Variants in ATOH1 observed in about 807,000 individuals in gnomAD.
ATOH1 encodes the protein transcription factor ATOH1.
ATOH1 carries 9 observed loss-of-function variants against 20.7 expected under a neutral mutation model. The observed-to-expected ratio is 0.44, with a 90% CI of 0.26 to 0.76. The LOEUF is 0.76. ATOH1 is among the 30% of genes least tolerant of loss of function. The pLI is 0.20. For missense variants in ATOH1, 516 were observed against 479.3 expected (o/e 1.08, Z -0.71); for synonymous variants, 247 against 214.3 (o/e 1.15, Z -1.33).
In ATOH1 at chr4:93,830,816, CTTA is replaced by C. The variant is rs1735430411; in HGVS notation, c.*828_*830del. 1 of 166,848 alleles carries C rather than the reference CTTA, an allele frequency of 6.0e-6. No homozygotes were observed. The highest frequency in any genetic ancestry group is 2.1e-4 in the South Asian group (1 of 4,830). 10.3% of individuals were successfully genotyped at this position (166,848 alleles called of 1,614,324 possible). On this transcript the variant is annotated 3_prime_UTR_variant, in exon 1 of 1. Transcript: ENST00000306011. ...ATTTTGCTTTGTTAATATTAGAAAA[CTTA>C]TTTATTATTGTTTGCTACCATTTCT...
chr4:93,829,232 G>T lies in ATOH1; in HGVS notation c.306G>T (p.Arg102=), dbSNP rs780142317. The T allele has an allele frequency of 2.5e-6, 4 of 1,589,700 alleles. No homozygotes were observed. The highest frequency in any genetic ancestry group is 1.2e-5 in the South Asian group (1 of 86,412). Residue 102 remains arginine, a synonymous_variant, in exon 1 of 1, where the codon CGG becomes CGT. Transcript: ENST00000306011. The surrounding 1 kb of genome is among the most constrained non-coding windows in gnomAD (Gnocchi z 4.5). ...CGCCCCGGGACGAGGTGGACGGCCG[G>T]GGGGAGCTGGTAAGGAGGAGCAGCG... ...AAAPRDEVDG[R]GELVRRSSGG... is the part of the protein sequence containing the mutation.
chr4:93,829,007 T>C lies in ATOH1; in HGVS notation c.81T>C (p.His27=). 1 of 1,613,494 alleles carries C rather than the reference T, an allele frequency of 6.2e-7. No homozygotes were observed. The highest frequency in any genetic ancestry group is 8.5e-7 in the Non-Finnish European group (1 of 1,179,872). ...ACCATCGCCAGCCCCAGCCGCATCATCTCCCGCAACCGCCGCCGCCGCCGC... is the reference window on the plus strand; with the variant it reads ...ACCATCGCCAGCCCCAGCCGCATCACCTCCCGCAACCGCCGCCGCCGCCGC... ...GDHHRQPQPH[H]LPQPPPPPQP... The change falls in exon 1 of 1, where the codon CAT becomes CAC. Residue 27 remains histidine, a synonymous_variant. Coordinates refer to ENST00000306011, the MANE Select transcript of ATOH1 (RefSeq NM_005172.2). This position sits in a 1 kb window ranked among gnomAD's most constrained non-coding sequence, Gnocchi z 4.5.
chr4:93,829,188 G>C lies in ATOH1; in HGVS notation c.262G>C (p.Gly88Arg), dbSNP rs762870776. 2 of 1,586,898 alleles carry C rather than the reference G, an allele frequency of 1.3e-6. No homozygotes were observed. The highest frequency in any genetic ancestry group is 1.7e-6 in the Non-Finnish European group (2 of 1,165,384). ...AQYLLHSPEL[G>R]ASEAAAPRDE... ...GTATTTGCTACATTCCCCGGAGCTG[G>C]GTGCCTCAGAGGCCGCTGCGCCCCG... The change falls in exon 1 of 1, where the codon GGT becomes CGT. Residue 88 changes from glycine (G) to arginine (R), a missense_variant. By Grantham distance (125) the Gly-to-Arg change is moderately radical. Transcript: ENST00000306011. The surrounding 1 kb of genome is among the most constrained non-coding windows in gnomAD (Gnocchi z 4.5).
In ATOH1 at chr4:93,830,112, T is replaced by C. The variant is rs1007926998; in HGVS notation, c.*121T>C. The C allele has an allele frequency of 1.9e-5, 27 of 1,434,994 alleles. No homozygotes were observed. Among genetic ancestry groups the C allele is most frequent in the Non-Finnish European group, 2.3e-5 (25 of 1,095,866 alleles). The allele number at this position is 1,434,994 out of a possible 1,614,324, so 88.9% of individuals were successfully genotyped here. A position where few individuals can be genotyped will look rare whatever the true frequency, so the allele number is the denominator to read the frequency against. On this transcript the variant is annotated 3_prime_UTR_variant, in exon 1 of 1. Coordinates refer to ENST00000306011, the MANE Select transcript of ATOH1 (RefSeq NM_005172.2). ...TTTTTGCTCTGCGATGGTCGTTGTT[T>C]AGCAACGACTTGGCTTCAGATGGCA...
rs1373906470 is a variant in ATOH1, at chr4:93,829,314, A to C, written c.388A>C (p.Lys130Gln). 4 of 1,613,658 alleles carry C rather than the reference A, an allele frequency of 2.5e-6. No individual in the cohort carries two copies. The African/African-American group carries it at 5.3e-5, about 22-fold the overall frequency. The change falls in exon 1 of 1, where the codon AAG (lysine) becomes CAG (glutamine). Residue 130 changes from lysine to glutamine, a missense_variant. By Grantham distance (53) the Lys-to-Gln change is moderately conservative. Transcript: ENST00000306011. The surrounding 1 kb of genome is among the most constrained non-coding windows in gnomAD (Gnocchi z 4.5). ...GGTGAAAGTGCGGGAACAGCTGTGCAAGCTGAAAGGCGGGGTGGTGGTAGA... is the reference window on the plus strand; with the variant it reads ...GGTGAAAGTGCGGGAACAGCTGTGCCAGCTGAAAGGCGGGGTGGTGGTAGA... ...GPVKVREQLCKLKGGVVVDEL... is the reference protein window; with the variant it reads ...GPVKVREQLCQLKGGVVVDEL...
Position 93,829,387 on chromosome 4 carries a change from A to G in ATOH1, c.461A>G (p.Asn154Ser). Residue 154 changes from asparagine to serine, a missense_variant, in exon 1 of 1, where the codon AAT becomes AGT. Physicochemically the swap from Asn to Ser is conservative, Grantham distance 46 (BLOSUM62 1). Transcript: ENST00000306011. The surrounding 1 kb of genome is among the most constrained non-coding windows in gnomAD (Gnocchi z 4.5). ...RQRAPSSKQV[N>S]GVQKQRRLAA... is the part of the protein sequence containing the mutation. ...CGGGCCCCTTCCAGCAAACAGGTGAATGGGGTGCAGAAGCAGAGACGGCTA... is the reference window on the plus strand; with the variant it reads ...CGGGCCCCTTCCAGCAAACAGGTGAGTGGGGTGCAGAAGCAGAGACGGCTA... The G allele has an allele frequency of 6.2e-7, 1 of 1,614,202 alleles. No homozygotes were observed.
chr4:93,829,899 G>A lies in ATOH1; in HGVS notation c.973G>A (p.Glu325Lys). 1 of 1,614,168 alleles carries A rather than the reference G, an allele frequency of 6.2e-7. No homozygotes were observed. Among genetic ancestry groups the A allele is most frequent in the Non-Finnish European group, 8.5e-7 (1 of 1,180,036 alleles). Residue 325 changes from glutamate to lysine, a missense_variant, in exon 1 of 1, where the codon GAG becomes AAG. Transcript: ENST00000306011. This position sits in a 1 kb window ranked among gnomAD's most constrained non-coding sequence, Gnocchi z 4.5. ...CGGGAGCATCTTGCAGCCAGTGCAG[G>A]AGGAAAACAGCAAAACTTCGCCTCG... ...LPGSILQPVQEENSKTSPRSH... is the reference protein window; with the variant it reads ...LPGSILQPVQKENSKTSPRSH...
At position 93,829,918 on chromosome 4, in the gene ATOH1, C is replaced by T; in HGVS notation, c.992C>T (p.Ser331Leu). The change falls in exon 1 of 1, where the codon TCG becomes TTG. Residue 331 changes from serine to leucine, a missense_variant. Transcript: ENST00000306011. This position sits in a 1 kb window ranked among gnomAD's most constrained non-coding sequence, Gnocchi z 4.5. ...QPVQEENSKTSPRSHRSDGEF... is the reference protein window; with the variant it reads ...QPVQEENSKTLPRSHRSDGEF... ...GTGCAGGAGGAAAACAGCAAAACTT[C>T]GCCTCGGTCCCACAGAAGCGACGGG... is the stretch of plus-strand genomic sequence containing the variant. 6.2e-7 allele frequency: 1 copy of T among 1,614,092 alleles called. No homozygotes were observed. Among genetic ancestry groups the T allele is most frequent in the Non-Finnish European group, 8.5e-7 (1 of 1,180,012 alleles).
chr4:93,829,577 G>T lies in ATOH1; in HGVS notation c.651G>T (p.Thr217=). The change falls in exon 1 of 1, where the codon ACG becomes ACT. Residue 217 remains threonine (T), a synonymous_variant. Transcript: ENST00000306011. This position sits in a 1 kb window ranked among gnomAD's most constrained non-coding sequence, Gnocchi z 4.5. ...ACGCCTTGTCCGAGCTGCTACAAAC[G>T]CCCAGCGGAGGGGAACAGCCACCGC... ...YINALSELLQ[T]PSGGEQPPPP... 1 of 1,614,128 alleles carries T rather than the reference G, an allele frequency of 6.2e-7. No individual in the cohort carries two copies. The highest frequency in any genetic ancestry group is 1.1e-5 in the South Asian group (1 of 91,084).
chr4:93,829,345 T>C lies in ATOH1; in HGVS notation c.419T>C (p.Leu140Pro). The C allele has an allele frequency of 1.2e-6, 2 of 1,614,042 alleles. No individual in the cohort carries two copies. Among genetic ancestry groups the C allele is most frequent in the East Asian group, 2.2e-5 (1 of 44,878 alleles). Reference protein sequence around the residue: ...KLKGGVVVDELGCSRQRAPSS... With the variant: ...KLKGGVVVDEPGCSRQRAPSS... Reference sequence around the variant, plus strand: ...AAAGGCGGGGTGGTGGTAGACGAGCTGGGCTGCAGCCGCCAACGGGCCCCT... The same window carrying C: ...AAAGGCGGGGTGGTGGTAGACGAGCCGGGCTGCAGCCGCCAACGGGCCCCT... The change falls in exon 1 of 1, where the codon CTG becomes CCG. Residue 140 changes from leucine (L) to proline (P), a missense_variant. Leu to Pro is a moderately conservative substitution (Grantham distance 98, BLOSUM62 -3). Coordinates refer to ENST00000306011, the MANE Select transcript of ATOH1 (RefSeq NM_005172.2). This position sits in a 1 kb window ranked among gnomAD's most constrained non-coding sequence, Gnocchi z 4.5.
Position 93,828,906 on chromosome 4 carries a change from C to T in ATOH1, c.-21C>T, listed in dbSNP as rs756514006. 3.9e-6 allele frequency: 6 copies of T among 1,552,432 alleles called. No individual in the cohort carries two copies. In the African/African-American group the frequency reaches 6.8e-5, roughly 18 times the overall value. On this transcript the variant is annotated 5_prime_UTR_variant, in exon 1 of 1. Coordinates refer to ENST00000306011, the MANE Select transcript of ATOH1 (RefSeq NM_005172.2). ...TCCCAGTGCTGCCTCCGATCCTGAG[C>T]CTCCGAGCCTTTGCAGTGCAATGTC...
In ATOH1 at chr4:93,829,624, G is replaced by T. The variant is rs761088395; in HGVS notation, c.698G>T (p.Ser233Ile). 2.0e-5 allele frequency: 32 copies of T among 1,610,414 alleles called. No homozygotes were observed. Among genetic ancestry groups the T allele is most frequent in the Non-Finnish European group, 2.5e-5 (29 of 1,178,304 alleles). The change falls in exon 1 of 1, where the codon AGC (serine) becomes ATC (isoleucine). Residue 233 changes from serine (S) to isoleucine (I), a missense_variant. By Grantham distance (142) the Ser-to-Ile change is moderately radical (BLOSUM62 -2). Coordinates refer to ENST00000306011, the MANE Select transcript of ATOH1 (RefSeq NM_005172.2). The surrounding 1 kb of genome is among the most constrained non-coding windows in gnomAD (Gnocchi z 4.5). ...QPPPPPASCK[S>I]DHHHLRTAAS... is the part of the protein sequence containing the mutation. Reference sequence around the variant, plus strand: ...CCGCCGCCTCCAGCCTCCTGCAAAAGCGACCACCACCACCTTCGCACCGCG... The same window carrying T: ...CCGCCGCCTCCAGCCTCCTGCAAAATCGACCACCACCACCTTCGCACCGCG...
chr4:93,828,835 T>G lies in ATOH1; in HGVS notation c.-92T>G, dbSNP rs1735384025. ...CGAGGAGGGAAAAAAAAATAAGACG[T>G]TGCAGAAGAGACCCGGAAAGGGCCT... On this transcript the variant is annotated 5_prime_UTR_variant, in exon 1 of 1. Coordinates refer to ENST00000306011, the MANE Select transcript of ATOH1 (RefSeq NM_005172.2). The G allele has an allele frequency of 1.4e-6, 2 of 1,393,110 alleles. No individual in the cohort carries two copies. Among genetic ancestry groups the G allele is most frequent in the African/African-American group, 1.5e-5 (1 of 68,874 alleles). 86.3% of individuals were successfully genotyped at this position (1,393,110 alleles called of 1,614,324 possible). A position where few individuals can be genotyped will look rare whatever the true frequency, so the allele number is the denominator to read the frequency against.
At position 93,829,676 on chromosome 4, in the gene ATOH1, C is replaced by A; in HGVS notation, c.750C>A (p.Asn250Lys). The A allele has an allele frequency of 1.9e-6, 3 of 1,571,414 alleles. No individual in the cohort carries two copies. Among genetic ancestry groups the A allele is most frequent in the Non-Finnish European group, 1.7e-6 (2 of 1,160,520 alleles). ...TAASYEGGAG[N>K]ATAAGAQQAS... The stretch of plus-strand genomic sequence containing the variant: ...CCTCCTATGAAGGGGGCGCGGGCAA[C>A]GCGACCGCAGCTGGGGCTCAGCAGG... The change falls in exon 1 of 1, where the codon AAC (asparagine) becomes AAA (lysine). Residue 250 changes from asparagine to lysine, a missense_variant. Transcript: ENST00000306011. The surrounding 1 kb of genome is among the most constrained non-coding windows in gnomAD (Gnocchi z 4.5).
In ATOH1 at chr4:93,829,788, C is replaced by G; in HGVS notation, c.862C>G (p.Gln288Glu). The G allele has an allele frequency of 1.9e-6, 3 of 1,611,978 alleles. No homozygotes were observed. Among genetic ancestry groups the G allele is most frequent in the Non-Finnish European group, 2.5e-6 (3 of 1,179,026 alleles). The change falls in exon 1 of 1, where the codon CAG becomes GAG. Residue 288 changes from glutamine (Q) to glutamate (E), a missense_variant. Coordinates refer to ENST00000306011, the MANE Select transcript of ATOH1 (RefSeq NM_005172.2). This position sits in a 1 kb window ranked among gnomAD's most constrained non-coding sequence, Gnocchi z 4.5. ...AGCTTCTGCGGGAGGGTACTCGGTG[C>G]AGCTGGACGCTCTGCACTTCTCGAC... is the stretch of plus-strand genomic sequence containing the variant. Reference protein sequence around the residue: ...APASAGGYSVQLDALHFSTFE... With the variant: ...APASAGGYSVELDALHFSTFE...
At position 93,829,154 on chromosome 4, in the gene ATOH1, C is replaced by T. The variant is rs771104707; in HGVS notation, c.228C>T (p.Arg76=). 6 of 1,597,256 alleles carry T rather than the reference C, an allele frequency of 3.8e-6. No homozygotes were observed. The highest frequency in any genetic ancestry group is 4.5e-5 in the East Asian group (2 of 44,578). ...APTLQGICTA[R]AAQYLLHSPE... ...CTTTGCAGGGCATCTGCACGGCACG[C>T]GCCGCCCAGTATTTGCTACATTCCC... The change falls in exon 1 of 1, where the codon CGC becomes CGT. Residue 76 remains arginine (R), a synonymous_variant. Transcript: ENST00000306011. The surrounding 1 kb of genome is among the most constrained non-coding windows in gnomAD (Gnocchi z 4.5).
chr4:93,829,378 A>G lies in ATOH1; in HGVS notation c.452A>G (p.Lys151Arg). The change falls in exon 1 of 1, where the codon AAA becomes AGA. Residue 151 changes from lysine to arginine, a missense_variant. Physicochemically the swap from Lys to Arg is conservative, Grantham distance 26 (BLOSUM62 2). Coordinates refer to ENST00000306011, the MANE Select transcript of ATOH1 (RefSeq NM_005172.2). This position sits in a 1 kb window ranked among gnomAD's most constrained non-coding sequence, Gnocchi z 4.5. ...AGCCGCCAACGGGCCCCTTCCAGCA[A>G]ACAGGTGAATGGGGTGCAGAAGCAG... is the stretch of plus-strand genomic sequence containing the variant. Reference protein sequence around the residue: ...GCSRQRAPSSKQVNGVQKQRR... With the variant: ...GCSRQRAPSSRQVNGVQKQRR... 1 of 1,614,218 alleles carries G rather than the reference A, an allele frequency of 6.2e-7. No homozygotes were observed. The highest frequency in any genetic ancestry group is 8.5e-7 in the Non-Finnish European group (1 of 1,180,042).
In ATOH1 at chr4:93,829,682, C is replaced by A. The variant is rs149770942; in HGVS notation, c.756C>A (p.Thr252=). The A allele has an allele frequency of 2.5e-6, 4 of 1,569,974 alleles. No individual in the cohort carries two copies. The highest frequency in any genetic ancestry group is 2.2e-5 in the East Asian group (1 of 44,578). ...ASYEGGAGNA[T]AAGAQQASGG... The stretch of plus-strand genomic sequence containing the variant: ...ATGAAGGGGGCGCGGGCAACGCGAC[C>A]GCAGCTGGGGCTCAGCAGGCTTCCG... Residue 252 remains threonine (T), a synonymous_variant, in exon 1 of 1, where the codon ACC becomes ACA. Transcript: ENST00000306011. This position sits in a 1 kb window ranked among gnomAD's most constrained non-coding sequence, Gnocchi z 4.5.
Position 93,829,590 on chromosome 4 carries a change from G to A in ATOH1, c.664G>A (p.Glu222Lys). The A allele has an allele frequency of 1.9e-6, 3 of 1,613,874 alleles. No homozygotes were observed. The highest frequency in any genetic ancestry group is 1.7e-6 in the Non-Finnish European group (2 of 1,179,916). The part of the protein sequence containing the change: ...SELLQTPSGG[E>K]QPPPPPASCK... The stretch of plus-strand genomic sequence containing the variant: ...GCTGCTACAAACGCCCAGCGGAGGG[G>A]AACAGCCACCGCCGCCTCCAGCCTC... The change falls in exon 1 of 1, where the codon GAA becomes AAA. Residue 222 changes from glutamate (E) to lysine (K), a missense_variant. Glu to Lys is a moderately conservative substitution (Grantham distance 56). Coordinates refer to ENST00000306011, the MANE Select transcript of ATOH1 (RefSeq NM_005172.2). The surrounding 1 kb of genome is among the most constrained non-coding windows in gnomAD (Gnocchi z 4.5).
Sources: allele counts gnomAD v4.1 joint callset, GRCh38; gene constraint gnomAD v4.1.1; non-coding constraint Gnocchi (gnomAD v3.1); transcripts MANE v1.5; gene names NCBI Gene and HGNC (gene_info 2026-07-23, HGNC 2026-07-21).